Variants in STAC observed in about 807,000 individuals in gnomAD.
STAC encodes the protein SH3 and cysteine-rich domain-containing protein.
Under a neutral mutation model 48.8 loss-of-function variants are expected in STAC, and 43 were observed. The ratio of observed to expected loss-of-function variants is 0.88; its 90% CI spans 0.69 to 1.14. The LOEUF (loss-of-function observed/expected upper bound fraction) is 1.14. STAC is among the 50% of genes most tolerant of loss of function. STAC has a pLI of 0.00. For missense variants in STAC, 497 were observed against 504.0 expected, an observed-to-expected ratio of 0.99 and a Z score of 0.13; for synonymous variants, 193 against 179.5, an observed-to-expected ratio of 1.07 and a Z score of -0.60.
intron 1 of STAC, among the ~76,000 whole-genome samples, chr3:36,422,483 A>G (rs1700471906): frequency 6.6e-6 from 1 of 152,092 alleles, no homozygotes; most frequent in South Asian, 2.1e-4. Context: ...TTTATTATAA[A>G]CTCATCCACT....
At chr3:36,510,217 T>C (rs1698502085) in intron 8 of STAC, among the ~76,000 whole-genome samples, 1 of 152,152 alleles carries the variant, frequency 6.6e-6, no homozygotes, top group South Asian at 2.1e-4. Context: ...TCCTCATCAC[T>C]GGTCATTAGA....
At chr3:36,433,813 G>A (rs766473947) in intron 1 of STAC, among the ~76,000 whole-genome samples, 9 of 152,220 alleles carry the variant, frequency 5.9e-5, no homozygotes, top group Non-Finnish European at 1.2e-4. Context: ...AGCAGTGGCA[G>A]AGCATGCAAT....
At chr3:36,484,546 G>A (rs1697748726) in intron 3 of STAC, among the ~76,000 whole-genome samples, 1 of 152,198 alleles carries the variant, frequency 6.6e-6, no homozygotes, top group Non-Finnish European at 1.5e-5. Flanking sequence ...AGATATACAG[G>A]AGCTTTTAGG....
At chr3:36,437,184 T>C (rs1186991332) in intron 1 of STAC, among the ~76,000 whole-genome samples, 4 of 150,934 alleles carry the variant, frequency 2.7e-5, no homozygotes, top group African/African-American at 9.7e-5. Flanking sequence ...GGTGGGACTG[T>C]AAACTAGTTC....
intron 5 of STAC, among the ~76,000 whole-genome samples, chr3:36,492,032 ATATATATATATATAT>A (rs1277363292): frequency 1.0e-3 from 11 of 10,522 alleles, no homozygotes; most frequent in African/African-American, 2.0e-3. Context: ...AAAAAAAAAA[ATATATATATATATAT>A]ATATATATAT....
intron 1 of STAC, among the ~76,000 whole-genome samples, chr3:36,408,301 CTCT>C (rs1700124410): frequency 6.6e-6 from 1 of 152,172 alleles, no homozygotes; most frequent in Admixed American, 6.5e-5. Context: ...CTTCTTCCTC[CTCT>C]TCTTATACCC....
intron 2 of STAC, among the ~76,000 whole-genome samples, chr3:36,453,901 G>A (rs1272833454): frequency 6.6e-6 from 1 of 152,176 alleles, no homozygotes; most frequent in East Asian, 1.9e-4. Context: ...GTTTGTGAAT[G>A]CACCAATTGA....
At chr3:36,385,557 G>C (rs892334972) in intron 1 of STAC, among the ~76,000 whole-genome samples, 1 of 145,462 alleles carries the variant, frequency 6.9e-6, no homozygotes, top group Non-Finnish European at 1.6e-5. Context: ...AAAGTTTATA[G>C]CTTGATGAAT....
intron 1 of STAC, among the ~76,000 whole-genome samples, chr3:36,427,565 CT>C: frequency 6.6e-6 from 1 of 152,260 alleles, no homozygotes; most frequent in South Asian, 2.1e-4. Context: ...GTAGTTAAGT[CT>C]ACCTGGGCTT....
chr3:36,501,158 G>T (rs1379646012), intron 6 of STAC, among the ~76,000 whole-genome samples: 1 of 152,044 alleles, frequency 6.6e-6, no homozygotes, highest in Non-Finnish European at 1.5e-5. Context: ...TATATTTAAA[G>T]CTAAATAAGA....
intron 2 of STAC, among the ~76,000 whole-genome samples, chr3:36,480,310 T>C (rs1406697265): frequency 6.6e-6 from 1 of 152,228 alleles, no homozygotes; most frequent in Non-Finnish European, 1.5e-5. Context: ...TGAGTATTTA[T>C]AAACAAGCAT....
chr3:36,409,464 C>T (rs1348312458), intron 1 of STAC: 5 of 152,278 alleles, frequency 3.3e-5, no homozygotes, highest in African/African-American at 9.6e-5. Flanking sequence ...TGCTTGTTTT[C>T]GTTGTTGTTT....
chr3:36,428,352 T>C (rs1344205658), intron 1 of STAC, among the ~76,000 whole-genome samples: 2 of 152,166 alleles, frequency 1.3e-5, no homozygotes, highest in African/African-American at 4.8e-5. Flanking sequence ...ATGATAACAA[T>C]AGCAATGACA....
intron 2 of STAC, among the ~76,000 whole-genome samples, chr3:36,474,554 G>T (rs1430434168): frequency 6.6e-6 from 1 of 152,176 alleles, no homozygotes; most frequent in Admixed American, 6.5e-5. Flanking sequence ...CTTCAGAGTT[G>T]TGTAGACCCA....
chr3:36,523,521 G>A (rs1043915071), intron 8 of STAC, among the ~76,000 whole-genome samples: 2 of 152,210 alleles, frequency 1.3e-5, no homozygotes, highest in Non-Finnish European at 1.5e-5. Flanking sequence ...CATCAAGTTG[G>A]TCCCAAGAAT....
chr3:36,526,974 C>A (rs1417461486), intron 8 of STAC, among the ~76,000 whole-genome samples: 1 of 152,166 alleles, frequency 6.6e-6, no homozygotes. Context: ...ATCTGCTATA[C>A]GTTCAAGTAT....
chr3:36,457,098 C>T (rs1696874818), intron 2 of STAC, among the ~76,000 whole-genome samples: 3 of 152,174 alleles, frequency 2.0e-5, no homozygotes, highest in Non-Finnish European at 4.4e-5. Context: ...TAAGTAAAAA[C>T]TTTGTCTCAT....
At chr3:36,450,805 G>A (rs1279443345) in intron 2 of STAC, among the ~76,000 whole-genome samples, 1 of 152,184 alleles carries the variant, frequency 6.6e-6, no homozygotes, top group East Asian at 1.9e-4. Context: ...GATTACAGGT[G>A]TGAGCCACTG....
intron 6 of STAC, among the ~76,000 whole-genome samples, chr3:36,498,942 A>G (rs1211433471): frequency 1.3e-5 from 2 of 152,244 alleles, no homozygotes; most frequent in African/African-American, 4.8e-5. Flanking sequence ...AAGACTGATT[A>G]CCTACAAAGA....
Sources: allele counts gnomAD v4.1 joint callset (sites outside exome capture counted in the v4.1 genomes callset), GRCh38; gene constraint gnomAD v4.1.1; transcripts MANE v1.5; gene names NCBI Gene and HGNC (gene_info 2026-07-23, HGNC 2026-07-21).